Variants in TRIM15 observed in about 807,000 individuals in gnomAD.
The protein encoded by TRIM15 is tripartite motif containing 15, also known as E3 ubiquitin-protein ligase TRIM15.
In TRIM15, 35 loss-of-function variants were observed where a neutral mutation model predicts 35.8. The observed-to-expected ratio is 0.98, with a 90% confidence interval of 0.75 to 1.30. The LOEUF is 1.30. Ranked by LOEUF, TRIM15 falls within the 50% of genes most tolerant of loss-of-function variation. TRIM15 has a pLI of 0.00. For synonymous variants in TRIM15, 252 were observed against 249.8 expected (o/e 1.01, Z -0.08); for missense variants, 590 against 593.5 (o/e 0.99, Z 0.06).
Position 30,172,434 on chromosome 6 carries a change from C to G in TRIM15, c.*85C>G, listed in dbSNP as rs1186711660. The G allele has an allele frequency of 8.0e-6, 12 of 1,506,104 alleles. No homozygotes were observed. Among genetic ancestry groups the G allele is most frequent in the South Asian group, 1.3e-5 (1 of 77,276 alleles). 93.3% of individuals were successfully genotyped at this position (1,506,104 alleles called of 1,614,324 possible). On this transcript the variant is annotated 3_prime_UTR_variant, in exon 7 of 7. Transcript: ENST00000376694. ...CCCTGGCCAGTGTGCGGCCCGGGGG[C>G]TCCCTGTGCCCGCGTGAGGCGAGAG...
Position 30,163,655 on chromosome 6 carries a change from C to T in TRIM15, c.-30C>T, listed in dbSNP as rs761963785. The T allele has an allele frequency of 1.9e-6, 3 of 1,574,304 alleles. No homozygotes were observed. The highest frequency in any genetic ancestry group is 2.6e-6 in the Non-Finnish European group (3 of 1,158,882). The stretch of plus-strand genomic sequence containing the variant: ...GGGAACTCGCGTGGGCTGAGGAGAC[C>T]GGAGTGGACGGGCTGGGGAAGGCAC... On this transcript the variant is annotated 5_prime_UTR_variant, in exon 1 of 7. Transcript: ENST00000376694.
At chr6:30,167,716 C>T (rs551644491) in intron 2 of TRIM15, among the ~76,000 whole-genome samples, 1 of 152,300 alleles carries the variant, frequency 6.6e-6, no homozygotes, top group African/African-American at 2.4e-5. Context: ...GGAGAGTAGG[C>T]TGATGGTGTG....
chr6:30,167,626 A>G (rs1022409087), intron 2 of TRIM15, among the ~76,000 whole-genome samples: 3 of 152,172 alleles, frequency 2.0e-5, no homozygotes, highest in Non-Finnish European at 2.9e-5. Context: ...GCCTGAACAC[A>G]CCACCTTCAG....
At chr6:30,170,704 C>G in intron 5 of TRIM15, 88 bp downstream of exon 5, 1 of 1,101,802 alleles carries the variant, frequency 9.1e-7, no homozygotes, top group East Asian at 2.4e-5. Context: ...GCCCTTGAAA[C>G]CTGGCTCGAG....
chr6:30,168,479 G>A lies in TRIM15; in HGVS notation c.657G>A (p.Gln219=), dbSNP rs1773772694. 2 of 1,610,300 alleles carry A rather than the reference G, an allele frequency of 1.2e-6. No individual in the cohort carries two copies. The highest frequency in any genetic ancestry group is 1.7e-6 in the Non-Finnish European group (2 of 1,178,706). The part of the protein sequence containing the change: ...VSEEVTRLGA[Q]VKELEEKCQQ... ...AGGAAGTCACCCGGCTTGGAGCCCAGGTCAAGGAGCTGGAGGAGAAGTGTC... is the reference window on the plus strand; with the variant it reads ...AGGAAGTCACCCGGCTTGGAGCCCAAGTCAAGGAGCTGGAGGAGAAGTGTC... The change falls in exon 3 of 7, where the codon CAG becomes CAA. Residue 219 remains glutamine, a synonymous_variant. Coordinates refer to ENST00000376694, the MANE Select transcript of TRIM15 (RefSeq NM_033229.3).
intron 4 of TRIM15, chr6:30,169,627 C>A: frequency 2.1e-6 from 1 of 467,032 alleles, no homozygotes; most frequent in Admixed American, 3.3e-5. Flanking sequence ...TTTCTGTAGA[C>A]TATGATAAGC....
chr6:30,169,204 T>C (rs202200921), intron 3 of TRIM15, 37 bp from the exon 4 acceptor site: 75 of 1,613,120 alleles, frequency 4.6e-5, no homozygotes, highest in Non-Finnish European at 6.1e-5. Flanking sequence ...GAAGGACTTA[T>C]GGAAACTAAA....
chr6:30,172,679 T>C lies in TRIM15; in HGVS notation c.*330T>C. ...AAAAAGACATCTAAAATAAAATGTT[T>C]AAACTGTTTCAAAATAATTATCTTG... On this transcript the variant is annotated 3_prime_UTR_variant, in exon 7 of 7. Coordinates refer to ENST00000376694, the MANE Select transcript of TRIM15 (RefSeq NM_033229.3). 1 of 531,596 alleles carries C rather than the reference T, an allele frequency of 1.9e-6. No individual in the cohort carries two copies. The highest frequency in any genetic ancestry group is 3.5e-6 in the Non-Finnish European group (1 of 286,596). The allele number at this position is 531,596 out of a possible 1,614,324, so 32.9% of individuals were successfully genotyped here.
At chr6:30,165,280 T>A (rs546951841) in intron 1 of TRIM15, among the ~76,000 whole-genome samples, 1 of 152,222 alleles carries the variant, frequency 6.6e-6, no homozygotes, top group Non-Finnish European at 1.5e-5. Context: ...CAGGCCCCGA[T>A]GTGTGATGTT....
chr6:30,168,553 G>A (rs1773781047), intron 3 of TRIM15, 23 bp downstream of exon 3: 2 of 1,560,066 alleles, frequency 1.3e-6, no homozygotes, highest in Non-Finnish European at 1.7e-6. Flanking sequence ...TCACCACTTT[G>A]TAGGATAAGA....
chr6:30,172,372 G>A lies in TRIM15; in HGVS notation c.*23G>A. 2 of 1,572,794 alleles carry A rather than the reference G, an allele frequency of 1.3e-6. No homozygotes were observed. Among genetic ancestry groups the A allele is most frequent in the East Asian group, 4.5e-5 (2 of 44,560 alleles). On this transcript the variant is annotated 3_prime_UTR_variant, in exon 7 of 7. Coordinates refer to ENST00000376694, the MANE Select transcript of TRIM15 (RefSeq NM_033229.3). Reference sequence around the variant, plus strand: ...TGAAGTGGGGCGCGCGAAGGGCGGCGAAGCGGAGACGGCGGCTCTCCGGGA... The same window carrying A: ...TGAAGTGGGGCGCGCGAAGGGCGGCAAAGCGGAGACGGCGGCTCTCCGGGA...
chr6:30,164,288 C>T lies in TRIM15; in HGVS notation c.381+223C>T, dbSNP rs181516751. Among the ~76,000 whole-genome samples the T allele has an allele frequency of 1.7e-3, 265 of 152,192 alleles. 5 individuals carry two copies. Among genetic ancestry groups the T allele is most frequent in the Admixed American group, 0.014 (218 of 15,298 alleles). The stretch of plus-strand genomic sequence containing the variant: ...ACTTCAGCTCCAGCTCTCAGAGGAC[C>T]CCACAGAGGTGGAGTGCAAAGAACT... On this transcript the variant is annotated intron_variant, in intron 1 of 6. Transcript: ENST00000376694.
intron 1 of TRIM15, among the ~76,000 whole-genome samples, chr6:30,164,348 T>C (rs1040451382): frequency 6.6e-6 from 1 of 152,040 alleles, no homozygotes; most frequent in Non-Finnish European, 1.5e-5. Flanking sequence ...GAAAGAAAGC[T>C]CCAATGCCGA....
At chr6:30,169,315 T>C (rs1773849438) in intron 4 of TRIM15, 52 bp downstream of exon 4, 3 of 1,611,052 alleles carry the variant, frequency 1.9e-6, no homozygotes, top group Admixed American at 1.7e-5. Context: ...CAAGACTGAA[T>C]GGGAAGGGGC....
intron 1 of TRIM15, among the ~76,000 whole-genome samples, chr6:30,166,711 C>T (rs935570303): frequency 6.6e-5 from 10 of 152,276 alleles, no homozygotes; most frequent in African/African-American, 2.2e-4. Context: ...GCCATTTTCA[C>T]AATATTGATT....
rs757307502 is a variant in TRIM15, at chr6:30,164,074, T to C, written c.381+9T>C. 3.1e-6 allele frequency: 5 copies of C among 1,605,608 alleles called. No individual in the cohort carries two copies. The highest frequency in any genetic ancestry group is 4.3e-6 in the Non-Finnish European group (5 of 1,175,436). On this transcript the variant is annotated intron_variant, in intron 1 of 6. Transcript: ENST00000376694. ...CCATTCAGCCCTACCGGGTAAGAAG[T>C]GTAGCTTTACCTAGGGCCTGTTTGG...
chr6:30,168,327 G>A lies in TRIM15; in HGVS notation c.505G>A (p.Val169Met), dbSNP rs1773756316. ...TCAGATCGAAAGCAAGAAGCATCAG[G>A]TGGAAACAGCTTTTGAGAGGCTGCA... ...LTQIESKKHQ[V>M]ETAFERLQQE... The change falls in exon 3 of 7, where the codon GTG (valine) becomes ATG (methionine). Residue 169 changes from valine (V) to methionine (M), a missense_variant. Coordinates refer to ENST00000376694, the MANE Select transcript of TRIM15 (RefSeq NM_033229.3). 3 of 1,612,932 alleles carry A rather than the reference G, an allele frequency of 1.9e-6. No individual in the cohort carries two copies. The African/African-American group carries it at 4.0e-5, about 22-fold the overall frequency.
intron 4 of TRIM15, 188 bp from the exon 5 acceptor site, chr6:30,170,313 G>C (rs1773918352): frequency 1.8e-6 from 1 of 570,774 alleles, no homozygotes; most frequent in African/African-American, 1.9e-5. Context: ...GTTCCTCTTA[G>C]GTTTAACTGA....
chr6:30,168,172 A>G (rs920172234), intron 2 of TRIM15, 128 bp from the exon 3 acceptor site: 7 of 745,068 alleles, frequency 9.4e-6, no homozygotes, highest in Admixed American at 2.9e-5. Context: ...TAGGCATATT[A>G]GTAAATGGAA....
Sources: allele counts gnomAD v4.1 joint callset (sites outside exome capture counted in the v4.1 genomes callset), GRCh38; gene constraint gnomAD v4.1.1; transcripts MANE v1.5; gene names NCBI Gene and HGNC (gene_info 2026-07-23, HGNC 2026-07-21).